The following SCOC variants were observed in gnomAD, a reference collection of about 807,000 sequenced individuals.
SCOC encodes short coiled-coil protein.
SCOC carries 7 observed loss-of-function variants against 9.9 expected under a neutral mutation model. That is an observed-to-expected ratio of 0.71 (90% CI 0.40 to 1.33). SCOC has a LOEUF of 1.33. Ranked by LOEUF, SCOC falls within the 40% of genes most tolerant of loss-of-function variation. SCOC has a pLI of 0.01. For synonymous variants in SCOC, 19 were observed against 28.2 expected, an observed-to-expected ratio of 0.67 and a Z score of 1.03; for missense variants, 66 against 89.7, an observed-to-expected ratio of 0.74 and a Z score of 1.07.
intron 1 of SCOC, among the ~76,000 whole-genome samples, chr4:140,289,724 CT>C (rs1350483899): frequency 1.3e-5 from 2 of 152,182 alleles, no homozygotes; most frequent in Non-Finnish European, 2.9e-5. Flanking sequence ...CCAGATCAGC[CT>C]TTTCAAGTGG....
chr4:140,340,808 T>TTTTTTTTTTTTTTTC (rs140552446), upstream of SCOC, among the ~76,000 whole-genome samples: 2 of 111,816 alleles, frequency 1.8e-5, no homozygotes, highest in Admixed American at 1.1e-4. Context: ...TTTTTTTTTT[T>TTTTTTTTTTTTTTTC]AGAGGGATAG....
chr4:140,281,952 T>C (rs1328257301), intron 1 of SCOC, among the ~76,000 whole-genome samples: 3 of 152,148 alleles, frequency 2.0e-5, no homozygotes, highest in Admixed American at 1.3e-4. Context: ...AGTGAGGAAA[T>C]TGGGTATCCT....
Position 140,373,733 on chromosome 4 carries a change from G to C in SCOC, c.-51+16G>C. Reference sequence around the variant, plus strand: ...CAAGCGGAAGGTGAGGGCCGTCCCGGGCAGCGGAGGGCCTGGCCCCAGGCG... The same window carrying C: ...CAAGCGGAAGGTGAGGGCCGTCCCGCGCAGCGGAGGGCCTGGCCCCAGGCG... On this transcript the variant is annotated intron_variant, in intron 1 of 3. Coordinates refer to ENST00000608372, the MANE Select transcript of SCOC (RefSeq NM_001153484.2). 1 of 1,542,236 alleles carries C rather than the reference G, an allele frequency of 6.5e-7. No individual in the cohort carries two copies. Among genetic ancestry groups the C allele is most frequent in the South Asian group, 1.2e-5 (1 of 83,924 alleles).
chr4:140,352,449 A>G (rs1416011886), intron 2 of SCOC, among the ~76,000 whole-genome samples: 1 of 152,166 alleles, frequency 6.6e-6, no homozygotes, highest in East Asian at 1.9e-4. Context: ...TGCCTTAGAG[A>G]CTTAGCATAA....
intron 1 of SCOC, among the ~76,000 whole-genome samples, chr4:140,321,244 A>G (rs1017254806): frequency 1.3e-5 from 2 of 152,196 alleles, no homozygotes; most frequent in Admixed American, 1.3e-4. Flanking sequence ...ATATTTACAT[A>G]GTATCTACTG....
At chr4:140,366,114 A>T in intron 2 of SCOC, 1 of 392,490 alleles carries the variant, frequency 2.5e-6, no homozygotes, top group Non-Finnish European at 4.6e-6. Context: ...ATGCAATTTT[A>T]AAAATCCATG....
chr4:140,332,786 G>A (rs1732855400), intron 1 of SCOC, among the ~76,000 whole-genome samples: 2 of 152,002 alleles, frequency 1.3e-5, no homozygotes, highest in Admixed American at 1.3e-4. Flanking sequence ...CCTCAACAGC[G>A]ACCACTCAAG....
At chr4:140,339,656 T>G (rs1175452298), upstream of SCOC, among the ~76,000 whole-genome samples, 2 of 152,130 alleles carry the variant, frequency 1.3e-5, no homozygotes, top group Admixed American at 1.3e-4. Context: ...GAACAGACAC[T>G]TCTCAAAAGA....
chr4:140,287,700 C>T (rs566100235), intron 1 of SCOC, among the ~76,000 whole-genome samples: 2 of 152,100 alleles, frequency 1.3e-5, no homozygotes, highest in Non-Finnish European at 2.9e-5. Flanking sequence ...ACACCAAACA[C>T]ATGGACACAC....
chr4:140,263,767 G>A (rs1299313481), intron 1 of SCOC, among the ~76,000 whole-genome samples: 3 of 152,126 alleles, frequency 2.0e-5, no homozygotes, highest in Non-Finnish European at 4.4e-5. Context: ...AGCAAACTCA[G>A]GAAGGGTCAC....
chr4:140,280,119 T>G (rs1477642427), intron 1 of SCOC, among the ~76,000 whole-genome samples: 4 of 152,124 alleles, frequency 2.6e-5, no homozygotes, highest in East Asian at 1.9e-4. Flanking sequence ...TCGTGATTTT[T>G]TTGTCAGTTT....
At chr4:140,269,293 G>C (rs528777178) in intron 1 of SCOC, among the ~76,000 whole-genome samples, 1 of 152,152 alleles carries the variant, frequency 6.6e-6, no homozygotes, top group African/African-American at 2.4e-5. Context: ...ACGACCAATA[G>C]TGTACAGTGA....
chr4:140,274,768 T>C (rs979498031), intron 1 of SCOC, among the ~76,000 whole-genome samples: 4 of 152,198 alleles, frequency 2.6e-5, no homozygotes, highest in Non-Finnish European at 5.9e-5. Context: ...GCACTTCCCT[T>C]CTCAAAAGCC....
intron 1 of SCOC, among the ~76,000 whole-genome samples, chr4:140,308,297 G>A (rs979191497): frequency 2.0e-5 from 3 of 152,130 alleles, no homozygotes; most frequent in African/African-American, 7.2e-5. Flanking sequence ...TTCACAATGA[G>A]CAAAACACCT....
chr4:140,313,073 A>G (rs1732200607), intron 1 of SCOC, among the ~76,000 whole-genome samples: 1 of 152,314 alleles, frequency 6.6e-6, no homozygotes, highest in African/African-American at 2.4e-5. Context: ...TGGAAAGCCC[A>G]TGTGAGAGGT....
chr4:140,352,180 C>T (rs943991720), intron 2 of SCOC, among the ~76,000 whole-genome samples: 4 of 152,156 alleles, frequency 2.6e-5, no homozygotes, highest in Admixed American at 1.3e-4. Context: ...GCTATGAATA[C>T]TAATTTAAAA....
chr4:140,294,173 G>T (rs1447985176), intron 1 of SCOC, among the ~76,000 whole-genome samples: 1 of 152,178 alleles, frequency 6.6e-6, no homozygotes, highest in Non-Finnish European at 1.5e-5. Flanking sequence ...TCCCAGGTAT[G>T]TCAGCCCACA....
At chr4:140,320,730 C>T (rs1732477044) in intron 1 of SCOC, among the ~76,000 whole-genome samples, 1 of 152,182 alleles carries the variant, frequency 6.6e-6, no homozygotes, top group South Asian at 2.1e-4. Flanking sequence ...ATCTTCCCTA[C>T]CCAACAAAGC....
intron 1 of SCOC, among the ~76,000 whole-genome samples, chr4:140,326,084 A>G (rs928400062): frequency 3.3e-5 from 5 of 152,234 alleles, no homozygotes. Flanking sequence ...AAAAGGCTAC[A>G]TATTATATGA....
Sources: allele counts gnomAD v4.1 joint callset (sites outside exome capture counted in the v4.1 genomes callset), GRCh38; gene constraint gnomAD v4.1.1; transcripts MANE v1.5; gene names NCBI Gene and HGNC (gene_info 2026-07-23, HGNC 2026-07-21).